SAMD3: variants seen among roughly 807,000 people sequenced by gnomAD.
The protein encoded by SAMD3 is sterile alpha motif domain containing 3.
A neutral mutation model predicts 58.5 loss-of-function variants in SAMD3; 63 were observed. The ratio of observed to expected loss-of-function variants is 1.08; its 90% CI spans 0.88 to 1.33. The LOEUF (loss-of-function observed/expected upper bound fraction) is 1.33. Among genes scored for constraint, SAMD3 ranks in the 40% most tolerant of loss-of-function variants. The pLI is 0.00. For synonymous variants in SAMD3, 220 were observed against 210.3 expected (o/e 1.05, Z -0.40); for missense variants, 604 against 608.4 (o/e 0.99, Z 0.08).
intron 4 of SAMD3, among the ~76,000 whole-genome samples, chr6:130,212,299 A>G (rs1795644071): frequency 6.6e-6 from 1 of 152,186 alleles, no homozygotes; most frequent in Admixed American, 6.5e-5. Context: ...CTCACATGCA[A>G]TTGTAATTCT....
At chr6:130,305,752 C>T (rs1329624882) in intron 2 of SAMD3, among the ~76,000 whole-genome samples, 1 of 152,186 alleles carries the variant, frequency 6.6e-6, no homozygotes, top group African/African-American at 2.4e-5. Flanking sequence ...GGAATAAATA[C>T]AACTTGGCAA....
At chr6:130,204,243 G>C (rs1794880285) in intron 5 of SAMD3, among the ~76,000 whole-genome samples, 1 of 152,130 alleles carries the variant, frequency 6.6e-6, no homozygotes, top group Non-Finnish European at 1.5e-5. Context: ...GCTACTAAAA[G>C]AGAGGTGAAC....
Position 130,269,928 on chromosome 6 carries a change from G to A in SAMD3, c.-188+43050C>T, listed in dbSNP as rs546816681. 4.6e-5 allele frequency among the ~76,000 whole-genome samples: 7 copies of A among 151,708 alleles called. No homozygotes were observed. The East Asian group carries it at 1.2e-3, about 25-fold the overall frequency. Reference sequence around the variant, plus strand: ...TATTGTCATTCCTTTTTTGATCCATGGACTATTTGGAAGTGTGTTGCTTAA... The same window carrying A: ...TATTGTCATTCCTTTTTTGATCCATAGACTATTTGGAAGTGTGTTGCTTAA... On this transcript the variant is annotated intron_variant, in intron 2 of 13. Transcript: ENST00000368134.
At chr6:130,185,621 C>G (rs1176928752) in intron 5 of SAMD3, among the ~76,000 whole-genome samples, 7 of 148,746 alleles carry the variant, frequency 4.7e-5, no homozygotes. Flanking sequence ...GCCACTGCAT[C>G]TGCCCAATTT....
intron 9 of SAMD3, among the ~76,000 whole-genome samples, chr6:130,148,373 G>A (rs890761604): frequency 2.0e-5 from 3 of 152,208 alleles, no homozygotes; most frequent in East Asian, 1.9e-4. Context: ...AGTAGGAGTC[G>A]CTTCAAACAG....
intron 2 of SAMD3, among the ~76,000 whole-genome samples, chr6:130,273,891 T>C (rs997972881): frequency 6.6e-6 from 1 of 152,146 alleles, no homozygotes; most frequent in Non-Finnish European, 1.5e-5. Flanking sequence ...CTTAATATTT[T>C]TTGACTTTTA....
chr6:130,142,825 A>G (rs1788344985), downstream of SAMD3: 1 of 152,254 alleles, frequency 6.6e-6, no homozygotes. Flanking sequence ...TTATAAGGAA[A>G]AGAATCTGTA....
chr6:130,282,661 C>G (rs1300203035), intron 2 of SAMD3, among the ~76,000 whole-genome samples: 3 of 151,956 alleles, frequency 2.0e-5, no homozygotes, highest in Non-Finnish European at 4.4e-5. Flanking sequence ...AAAAAAAAAT[C>G]TACTCACTGG....
intron 5 of SAMD3, among the ~76,000 whole-genome samples, chr6:130,193,235 G>A (rs938131878): frequency 1.1e-4 from 16 of 148,520 alleles, no homozygotes; most frequent in Non-Finnish European, 1.3e-4. Flanking sequence ...CCCCTTCTCC[G>A]CCTTTCTGGG....
chr6:130,183,493 G>T (rs748336061), intron 7 of SAMD3: 1 of 414,902 alleles, frequency 2.4e-6, no homozygotes. Context: ...GGTCTGAGAA[G>T]GCAAGAAACA....
chr6:130,350,934 C>T (rs1777637944), intron 1 of SAMD3, among the ~76,000 whole-genome samples: 1 of 152,106 alleles, frequency 6.6e-6, no homozygotes, highest in Non-Finnish European at 1.5e-5. Flanking sequence ...TATCTACAAC[C>T]ATCTGATCTT....
At chr6:130,272,289 A>G (rs551112643) in intron 2 of SAMD3, among the ~76,000 whole-genome samples, 51 of 152,254 alleles carry the variant, frequency 3.3e-4, no homozygotes, top group African/African-American at 1.1e-3. Flanking sequence ...GTATTCCTGT[A>G]TAAGGATTTG....
At chr6:130,201,908 A>G (rs946232143) in intron 5 of SAMD3, among the ~76,000 whole-genome samples, 1 of 151,752 alleles carries the variant, frequency 6.6e-6, no homozygotes, top group Non-Finnish European at 1.5e-5. Flanking sequence ...TTACTTCTCC[A>G]TTTCTCTTTT....
intron 2 of SAMD3, among the ~76,000 whole-genome samples, chr6:130,261,170 G>A (rs1449642320): frequency 5.7e-5 from 8 of 139,892 alleles, no homozygotes; most frequent in East Asian, 2.2e-4. Flanking sequence ...GAGTGGAAGC[G>A]TGGCCTGATC....
chr6:130,185,863 T>G (rs1792913807), intron 5 of SAMD3, among the ~76,000 whole-genome samples: 1 of 152,066 alleles, frequency 6.6e-6, no homozygotes. Flanking sequence ...AACTCTAGGC[T>G]CAAGTGATCC....
chr6:130,343,735 T>A (rs1777347597), intron 1 of SAMD3, among the ~76,000 whole-genome samples: 1 of 152,186 alleles, frequency 6.6e-6, no homozygotes, highest in Non-Finnish European at 1.5e-5. Context: ...GAGGCTGAGT[T>A]GGGTGGATCA....
chr6:130,250,230 T>C lies in SAMD3; in HGVS notation c.-187-27417A>G, dbSNP rs1228930891. ...GTATTTCTAAAGACAGTCACAAAAG[T>C]ACCATTATTTTTGGACACTGCATTT... On this transcript the variant is annotated intron_variant, in intron 2 of 13. Coordinates refer to the SAMD3 transcript ENST00000368134. Among the ~76,000 whole-genome samples the C allele has an allele frequency of 2.0e-5, 3 of 152,244 alleles. No individual in the cohort carries two copies. In the East Asian group the frequency reaches 5.8e-4, roughly 29 times the overall value.
intron 2 of SAMD3, among the ~76,000 whole-genome samples, chr6:130,296,326 G>A (rs12528756): frequency 0.12 from 18,346 of 152,092 alleles, 1,525 homozygotes; most frequent in East Asian, 0.36. Flanking sequence ...AAGGAAAGCA[G>A]CAAGAGTCTG....
chr6:130,190,955 C>G (rs1417232591), intron 5 of SAMD3, among the ~76,000 whole-genome samples: 1 of 151,780 alleles, frequency 6.6e-6, no homozygotes, highest in Non-Finnish European at 1.5e-5. Flanking sequence ...ACTGAAACAC[C>G]ACTGGGAACC....
Sources: gnomAD v4.1 joint callset for allele counts (sites outside exome capture counted in the v4.1 genomes callset) on GRCh38, gnomAD v4.1.1 for gene constraint, MANE v1.5 for transcripts, NCBI Gene and HGNC (gene_info 2026-07-23, HGNC 2026-07-21) for gene names.